The following RANBP3L variants were observed in gnomAD, a reference collection of about 807,000 sequenced individuals.
The protein encoded by RANBP3L is RAN binding protein 3 like.
A neutral mutation model predicts 67.2 loss-of-function variants in RANBP3L; 56 were observed. The observed-to-expected ratio is 0.83, with a 90% CI of 0.67 to 1.04. The LOEUF (loss-of-function observed/expected upper bound fraction) is 1.04. Among genes scored for constraint, RANBP3L ranks in the 50% least tolerant of loss-of-function variants. The pLI is 0.00. For synonymous variants in RANBP3L, 164 were observed against 181.4 expected (o/e 0.90, Z 0.77); for missense variants, 496 against 535.5 (o/e 0.93, Z 0.73).
chr5:36,249,070 G>C lies in RANBP3L; in HGVS notation c.*584C>G, dbSNP rs149338769. 20 of 152,124 alleles carry C rather than the reference G, an allele frequency of 1.3e-4. No individual in the cohort carries two copies. In the East Asian group the frequency reaches 2.1e-3, roughly 16 times the overall value. 9.4% of individuals were successfully genotyped at this position (152,124 alleles called of 1,614,324 possible). A position where few individuals can be genotyped will look rare whatever the true frequency, so the allele number is the denominator to read the frequency against. On this transcript the variant is annotated 3_prime_UTR_variant, in exon 14 of 14. Transcript: ENST00000296604. ...CTGACCATGAGTCAAACATTGACAA[G>C]ATGCAACAGATACAAGTCCAAGAGC... is the stretch of plus-strand genomic sequence containing the variant.
In RANBP3L at chr5:36,262,540, AC is replaced by A; in HGVS notation, c.481-499del. On this transcript the variant is annotated intron_variant, in intron 6 of 13. Transcript: ENST00000296604. Reference sequence around the variant, plus strand: ...CTTATCCAGTTACTTTGCCTTATGTACATATGTGTATGCACAATACCTGAAT... The same window carrying A: ...CTTATCCAGTTACTTTGCCTTATGTAATATGTGTATGCACAATACCTGAAT... Among the ~76,000 whole-genome samples, 2 of 152,254 alleles carry A rather than the reference AC, an allele frequency of 1.3e-5. 1 individual carries two copies. Among genetic ancestry groups the A allele is most frequent in the South Asian group, 4.1e-4 (2 of 4,826 alleles).
chr5:36,284,914 G>T (rs1751219731), intron 1 of RANBP3L, among the ~76,000 whole-genome samples: 1 of 152,178 alleles, frequency 6.6e-6, no homozygotes, highest in Non-Finnish European at 1.5e-5. Flanking sequence ...ACCACAAATT[G>T]AGTTTAAGGG....
intron 11 of RANBP3L, 120 bp downstream of exon 11, chr5:36,255,350 G>A: frequency 1.1e-6 from 1 of 949,858 alleles, no homozygotes; most frequent in Non-Finnish European, 1.5e-6. Context: ...ATTTTCAACA[G>A]TCTGATTTTT....
chr5:36,250,322 CA>C lies in RANBP3L; in HGVS notation c.1355-626del, dbSNP rs946372929. ...TGTTTAATAGATTTGCTTAAAGTAG[CA>C]AAAAAAATCATATTCACTTAGTTTT... is the stretch of plus-strand genomic sequence containing the variant. On this transcript the variant is annotated intron_variant, in intron 13 of 13. Transcript: ENST00000296604. 1.2e-4 allele frequency among the ~76,000 whole-genome samples: 18 copies of C among 151,228 alleles called. 1 individual carries two copies. In the East Asian group the frequency reaches 1.4e-3, roughly 11 times the overall value.
rs146129446 is a variant in RANBP3L, at chr5:36,268,082, T to A, written c.268+1308A>T. 3.8e-4 allele frequency: 243 copies of A among 640,764 alleles called. No homozygotes were observed. The African/African-American group carries it at 4.2e-3, about 11-fold the overall frequency. The allele number at this position is 640,764 out of a possible 1,614,324, so 39.7% of individuals were successfully genotyped here. ...TGCATACTTTGCTAAGGCCTCTGTT[T>A]ATTTCTAAAGTGTCAGCATTTTATG... On this transcript the variant is annotated intron_variant, in intron 4 of 13. Transcript: ENST00000296604.
In RANBP3L at chr5:36,301,443, A is replaced by G. The variant is rs749989978; in HGVS notation, c.-27T>C. 6.4e-6 allele frequency: 10 copies of G among 1,567,160 alleles called. No homozygotes were observed. The highest frequency in any genetic ancestry group is 2.7e-5 in the African/African-American group (2 of 73,970). ...GTCCTAGCAGTATGGCTGTGACTCA[A>G]GGATCACTAGGGCACCTCCTTCTCT... On this transcript the variant is annotated 5_prime_UTR_variant, in exon 1 of 14. Transcript: ENST00000296604.
At chr5:36,297,193 G>A (rs1752278641) in intron 1 of RANBP3L, among the ~76,000 whole-genome samples, 1 of 151,936 alleles carries the variant, frequency 6.6e-6, no homozygotes, top group Non-Finnish European at 1.5e-5. Context: ...GATAAAATAA[G>A]CTAGAGAAAA....
At chr5:36,263,339 T>C (rs1176907343) in intron 6 of RANBP3L, among the ~76,000 whole-genome samples, 1 of 152,122 alleles carries the variant, frequency 6.6e-6, no homozygotes, top group African/African-American at 2.4e-5. Context: ...GGAAGAAATA[T>C]ATTAATAAAT....
chr5:36,278,391 TCA>T (rs1359400623), intron 1 of RANBP3L, among the ~76,000 whole-genome samples: 1 of 152,070 alleles, frequency 6.6e-6, no homozygotes, highest in African/African-American at 2.4e-5. Flanking sequence ...ATGCAGAATC[TCA>T]GTCTCCACCC....
intron 1 of RANBP3L, among the ~76,000 whole-genome samples, chr5:36,276,459 T>A (rs540899550): frequency 1.9e-4 from 28 of 150,270 alleles, no homozygotes; most frequent in Middle Eastern, 3.4e-3. Flanking sequence ...TGTGCTTAAT[T>A]TGAAAATTAA....
chr5:36,272,919 G>A (rs2111920344), intron 1 of RANBP3L, among the ~76,000 whole-genome samples: 1 of 152,246 alleles, frequency 6.6e-6, no homozygotes, highest in Admixed American at 6.5e-5. Context: ...TGGGATTACA[G>A]GTGTGAGCCA....
chr5:36,295,237 C>G (rs544422514), intron 1 of RANBP3L, among the ~76,000 whole-genome samples: 74 of 152,190 alleles, frequency 4.9e-4, no homozygotes, highest in African/African-American at 1.8e-3. Flanking sequence ...CATATCTCAT[C>G]TTGAATTGTA....
intron 6 of RANBP3L, among the ~76,000 whole-genome samples, chr5:36,263,499 G>T (rs1329803621): frequency 6.9e-6 from 1 of 144,934 alleles, no homozygotes; most frequent in Non-Finnish European, 1.5e-5. Context: ...TAACTTTTTA[G>T]AAATTAGTCA....
At position 36,301,380 on chromosome 5, in the gene RANBP3L, G is replaced by A; in HGVS notation, c.37C>T (p.Pro13Ser). The A allele has an allele frequency of 6.2e-7, 1 of 1,613,720 alleles. No individual in the cohort carries two copies. The highest frequency in any genetic ancestry group is 1.1e-5 in the South Asian group (1 of 91,064). ...AGTTTACAGGTGTGCAAACTGCCAGGCAGGTGGCTGCTGCCTTTTCTTGGT... is the reference window on the plus strand; with the variant it reads ...AGTTTACAGGTGTGCAAACTGCCAGACAGGTGGCTGCTGCCTTTTCTTGGT... ...TIPRKGSSHL[P>S]GSLHTCKLKL... Residue 13 changes from proline (P) to serine (S), a missense_variant, in exon 1 of 14, where the codon CCT becomes TCT. Transcript: ENST00000296604.
At chr5:36,300,077 A>C (rs145644716) in intron 1 of RANBP3L, among the ~76,000 whole-genome samples, 3 of 152,320 alleles carry the variant, frequency 2.0e-5, no homozygotes, top group South Asian at 4.1e-4. Flanking sequence ...TAGCAATTGA[A>C]GTGGGGGGAA....
intron 8 of RANBP3L, 96 bp downstream of exon 8, chr5:36,260,684 A>G (rs1443654327): frequency 1.6e-6 from 1 of 624,478 alleles, no homozygotes; most frequent in Non-Finnish European, 2.8e-6. Flanking sequence ...GTTAAAAAGT[A>G]TAATTCAATT....
At chr5:36,282,702 G>A (rs1236037594) in intron 1 of RANBP3L, among the ~76,000 whole-genome samples, 1 of 152,076 alleles carries the variant, frequency 6.6e-6, no homozygotes. Flanking sequence ...CAAGTCTTTG[G>A]CAGTCTATTC....
At chr5:36,256,646 G>A (rs921731673) in intron 10 of RANBP3L, 9 of 372,262 alleles carry the variant, frequency 2.4e-5, no homozygotes, top group African/African-American at 1.9e-4. Flanking sequence ...CACAATAATA[G>A]CACCAATTGT....
intron 4 of RANBP3L, among the ~76,000 whole-genome samples, chr5:36,266,229 C>A (rs1264540871): frequency 6.6e-6 from 1 of 152,078 alleles, no homozygotes; most frequent in Admixed American, 6.6e-5. Context: ...CACTCCCTGA[C>A]TTTTTAATGA....
Sources: gnomAD v4.1 joint callset for allele counts (sites outside exome capture counted in the v4.1 genomes callset) on GRCh38, gnomAD v4.1.1 for gene constraint, MANE v1.5 for transcripts, NCBI Gene and HGNC (gene_info 2026-07-23, HGNC 2026-07-21) for gene names.